C12orf42: variants seen among roughly 807,000 people sequenced by gnomAD.
C12orf42 encodes the protein uncharacterized protein C12orf42.
Under a neutral mutation model 21.6 loss-of-function variants are expected in C12orf42, and 25 were observed. The observed-to-expected ratio is 1.16, with a 90% confidence interval of 0.84 to 1.62. C12orf42 has a LOEUF of 1.62. C12orf42 is among the 40% of genes most tolerant of loss of function. The probability of loss-of-function intolerance (pLI) is 0.00; values close to 1 mark genes in which losing one functional copy is unlikely to be tolerated. For synonymous variants in C12orf42, 174 were observed against 175.0 expected, an observed-to-expected ratio of 0.99 and a Z score of 0.05; for missense variants, 483 against 459.3, an observed-to-expected ratio of 1.05 and a Z score of -0.47.
the C12orf42 span, among the ~76,000 whole-genome samples, chr12:103,062,579 A>C: frequency 2.6e-5 from 4 of 152,078 alleles, no homozygotes; most frequent in Non-Finnish European, 4.4e-5. Context: ...ATTTCTAATT[A>C]TTTTGCCGTT....
chr12:103,185,851 G>A, the C12orf42 span, among the ~76,000 whole-genome samples: 42 of 152,298 alleles, frequency 2.8e-4, no homozygotes, highest in African/African-American at 9.1e-4. Context: ...ATGTGGAACT[G>A]TAAGTCTAAT....
At chr12:103,399,616 T>C (rs1375942595) in intron 3 of C12orf42, among the ~76,000 whole-genome samples, 1 of 152,104 alleles carries the variant, frequency 6.6e-6, no homozygotes, top group East Asian at 1.9e-4. Context: ...ATCTACAGCT[T>C]TCATAACAAA....
chr12:103,353,277 G>T (rs1173337434), intron 4 of C12orf42, among the ~76,000 whole-genome samples: 5 of 147,302 alleles, frequency 3.4e-5, no homozygotes, highest in Non-Finnish European at 7.5e-5. Context: ...TTCTCATGGA[G>T]TTCCACTGGA....
At chr12:103,090,213 T>C in the C12orf42 span, among the ~76,000 whole-genome samples, 1 of 152,222 alleles carries the variant, frequency 6.6e-6, no homozygotes, top group Non-Finnish European at 1.5e-5. Flanking sequence ...AGCCACAGCA[T>C]GATCTCAATC....
At chr12:103,219,662 G>A in the C12orf42 span, among the ~76,000 whole-genome samples, 53 of 152,238 alleles carry the variant, frequency 3.5e-4, no homozygotes, top group African/African-American at 2.2e-4. Context: ...ATGAAAAACC[G>A]CTCATCATCC....
At chr12:103,050,748 A>G in the C12orf42 span, among the ~76,000 whole-genome samples, 1 of 152,042 alleles carries the variant, frequency 6.6e-6, no homozygotes, top group Non-Finnish European at 1.5e-5. Context: ...TGGCAGGGAT[A>G]TATATTTTAG....
the C12orf42 span, among the ~76,000 whole-genome samples, chr12:103,550,929 T>G: frequency 6.6e-6 from 1 of 152,186 alleles, no homozygotes; most frequent in East Asian, 1.9e-4. Context: ...TAATTATATT[T>G]ACAATGAGGA....
At chr12:103,397,137 C>T (rs1210136571) in intron 3 of C12orf42, among the ~76,000 whole-genome samples, 1 of 152,198 alleles carries the variant, frequency 6.6e-6, no homozygotes, top group Non-Finnish European at 1.5e-5. Flanking sequence ...TTGATACTTT[C>T]ATTCGCCATC....
At chr12:103,392,196 T>C (rs544841351) in intron 3 of C12orf42, among the ~76,000 whole-genome samples, 1 of 152,222 alleles carries the variant, frequency 6.6e-6, no homozygotes. Context: ...CCTATCTGTA[T>C]GCCAGTACCA....
chr12:103,378,631 A>G (rs1360092497), intron 3 of C12orf42: 1 of 152,226 alleles, frequency 6.6e-6, no homozygotes, highest in Non-Finnish European at 1.5e-5. Context: ...CAAAGGGAAT[A>G]ATCTAAAAGT....
the C12orf42 span, among the ~76,000 whole-genome samples, chr12:103,549,942 C>A: frequency 6.6e-6 from 1 of 152,148 alleles, no homozygotes; most frequent in Non-Finnish European, 1.5e-5. Flanking sequence ...CTTTAGGCTG[C>A]AACCACACTC....
intron 2 of C12orf42, among the ~76,000 whole-genome samples, chr12:103,420,457 A>T (rs2049787216): frequency 6.6e-6 from 1 of 152,096 alleles, no homozygotes; most frequent in African/African-American, 2.4e-5. Flanking sequence ...TGTCTTCTGT[A>T]TCCCTTTACT....
chr12:103,459,844 C>T (rs1302571214), intron 2 of C12orf42, among the ~76,000 whole-genome samples: 3 of 152,288 alleles, frequency 2.0e-5, no homozygotes, highest in Non-Finnish European at 4.4e-5. Context: ...TACCTGGAGG[C>T]CTTGCCACAG....
At chr12:103,555,053 G>A in the C12orf42 span, among the ~76,000 whole-genome samples, 1 of 152,176 alleles carries the variant, frequency 6.6e-6, no homozygotes, top group African/African-American at 2.4e-5. Flanking sequence ...GAAAATAGCA[G>A]GGTAGAGCTT....
At chr12:103,469,784 T>C (rs566923419) in intron 2 of C12orf42, among the ~76,000 whole-genome samples, 2 of 152,338 alleles carry the variant, frequency 1.3e-5, no homozygotes, top group East Asian at 3.9e-4. Flanking sequence ...GATTAGACAG[T>C]GTGTTCAGCC....
At chr12:103,284,742 A>G (rs2036337998) in intron 4 of C12orf42, among the ~76,000 whole-genome samples, 1 of 152,216 alleles carries the variant, frequency 6.6e-6, no homozygotes, top group Non-Finnish European at 1.5e-5. Context: ...AGGCGGCTCT[A>G]TGACAACTCA....
At chr12:103,234,398 T>C (rs764547070), downstream of C12orf42, among the ~76,000 whole-genome samples, 1 of 152,148 alleles carries the variant, frequency 6.6e-6, no homozygotes, top group Admixed American at 6.5e-5. Context: ...TGGTGACTTT[T>C]TTGTGAATCT....
intron 4 of C12orf42, among the ~76,000 whole-genome samples, chr12:103,310,425 A>T (rs980200283): frequency 1.3e-5 from 2 of 152,230 alleles, no homozygotes; most frequent in Non-Finnish European, 2.9e-5. Context: ...GATTTTCAGG[A>T]AAAGCAGAAA....
chr12:103,543,888 T>G, the C12orf42 span, among the ~76,000 whole-genome samples: 7,658 of 97,222 alleles, frequency 0.079, 269 homozygotes, highest in South Asian at 0.15. Flanking sequence ...GGGTTTTTTT[T>G]TTGTTTTGTT....
Sources: allele counts gnomAD v4.1 joint callset (sites outside exome capture counted in the v4.1 genomes callset), GRCh38; gene constraint gnomAD v4.1.1; transcripts MANE v1.5; gene names NCBI Gene and HGNC (gene_info 2026-07-23, HGNC 2026-07-21).